Variants in NAF1 observed in about 807,000 individuals in gnomAD.
NAF1 encodes H/ACA ribonucleoprotein complex non-core subunit NAF1.
NAF1 carries 11 observed loss-of-function variants against 40.6 expected under a neutral mutation model. The observed-to-expected ratio is 0.27, with a 90% CI of 0.17 to 0.45. NAF1 has a LOEUF of 0.45. Among genes scored for constraint, NAF1 ranks in the 20% least tolerant of loss-of-function variants. NAF1 has a pLI of 1.00. For missense variants in NAF1, 607 were observed against 611.1 expected, an observed-to-expected ratio of 0.99 and a Z score of 0.07; for synonymous variants, 260 against 228.5, an observed-to-expected ratio of 1.14 and a Z score of -1.24.
chr4:163,133,537 G>A (rs1730948691), intron 6 of NAF1: 1 of 304,824 alleles, frequency 3.3e-6, no homozygotes, highest in South Asian at 5.7e-5. Flanking sequence ...AGTATCAGAT[G>A]CAAAAGGGTG....
chr4:163,150,986 T>C (rs1225626529), intron 2 of NAF1, among the ~76,000 whole-genome samples: 3 of 152,148 alleles, frequency 2.0e-5, no homozygotes, highest in Non-Finnish European at 4.4e-5. Flanking sequence ...AATTTGAATT[T>C]CTTCATTCAT....
chr4:163,117,843 G>A (rs1730396794), intron 2 of NAF1, among the ~76,000 whole-genome samples: 1 of 151,976 alleles, frequency 6.6e-6, no homozygotes, highest in East Asian at 1.9e-4. Context: ...CAAAAACCTT[G>A]CAGATTGATT....
At chr4:163,151,346 T>C (rs1329871288) in intron 2 of NAF1, among the ~76,000 whole-genome samples, 1 of 149,806 alleles carries the variant, frequency 6.7e-6, no homozygotes, top group South Asian at 2.1e-4. Flanking sequence ...AATTCACTAT[T>C]GTTTTCTTTA....
intron 3 of NAF1, among the ~76,000 whole-genome samples, 181 bp downstream of exon 3, chr4:163,148,159 TA>T (rs1286799527): frequency 6.6e-6 from 1 of 152,168 alleles, no homozygotes; most frequent in African/African-American, 2.4e-5. Flanking sequence ...TTTCTATAAA[TA>T]AACTGTATTT....
chr4:163,120,258 G>T (rs1437146091), intron 2 of NAF1, among the ~76,000 whole-genome samples: 1 of 152,176 alleles, frequency 6.6e-6, no homozygotes, highest in African/African-American at 2.4e-5. Context: ...TTTGCACACT[G>T]TAGTGGCTAC....
In NAF1 at chr4:163,166,713, C is replaced by G. The variant is rs745755138; in HGVS notation, c.15G>C (p.Glu5Asp). The G allele has an allele frequency of 1.9e-6, 3 of 1,613,470 alleles. No homozygotes were observed. The South Asian group carries it at 3.3e-5, about 18-fold the overall frequency. The change falls in exon 1 of 8, where the codon GAG (glutamate) becomes GAC (aspartate). Residue 5 changes from glutamate to aspartate, a missense_variant. Physicochemically the swap from Glu to Asp is conservative, Grantham distance 45. Around this residue, in one of 3 missense-constraint regions of NAF1, gnomAD observed 407 missense variants for 365.5 expected, o/e 1.11. Coordinates refer to ENST00000274054, the MANE Select transcript of NAF1 (RefSeq NM_138386.3). ...GAGTTTCCAGCTGAGCGGCGGCGGC[C>G]TCCACTACCTCCATCGCACCGCGCC... is the stretch of plus-strand genomic sequence containing the variant. Reference protein sequence around the residue: MEVVEAAAAQLETLK... With the variant: MEVVDAAAAQLETLK...
At position 163,133,210 on chromosome 4, in the gene NAF1, CTCT is replaced by C. The variant is rs1256558734; in HGVS notation, c.974_976del (p.Gln325del). On this transcript the variant is annotated inframe_deletion, in exon 7 of 8. Coordinates refer to ENST00000274054, the MANE Select transcript of NAF1 (RefSeq NM_138386.3). Reference sequence around the variant, plus strand: ...CCGGCCTTGAATCTGAGATTTTTTCCTCTGTTTGGCTTCCTTCTCTTTTTCATC... The same window carrying C: ...CCGGCCTTGAATCTGAGATTTTTTCCGTTTGGCTTCCTTCTCTTTTTCATC... The C allele has an allele frequency of 6.2e-7, 1 of 1,613,536 alleles. No homozygotes were observed. The highest frequency in any genetic ancestry group is 8.5e-7 in the Non-Finnish European group (1 of 1,179,850).
At chr4:163,156,139 CAAATTT>C (rs1731977546) in intron 2 of NAF1, among the ~76,000 whole-genome samples, 1 of 115,428 alleles carries the variant, frequency 8.7e-6, no homozygotes, top group Non-Finnish European at 1.8e-5. Flanking sequence ...ATATTAGATA[CAAATTT>C]AAATTTAATT....
chr4:163,114,203 G>A (rs770140036), intron 2 of NAF1, among the ~76,000 whole-genome samples: 1 of 152,228 alleles, frequency 6.6e-6, no homozygotes, highest in Non-Finnish European at 1.5e-5. Context: ...GAACCACAGA[G>A]GGGATTTGTG....
At position 163,148,376 on chromosome 4, in the gene NAF1, G is replaced by C. The variant is rs143451443; in HGVS notation, c.599C>G (p.Pro200Arg). 4.4e-6 allele frequency: 7 copies of C among 1,579,732 alleles called. No individual in the cohort carries two copies. The African/African-American group carries it at 9.6e-5, about 22-fold the overall frequency. ...AATAATACTTGAAACCATCCCAAGA[G>C]GCTTTAACTCAATATCTTCAGGCAG... ...IILPEDIELKPLGMVSSIIEQ... is the reference protein window; with the variant it reads ...IILPEDIELKRLGMVSSIIEQ... The change falls in exon 3 of 8, where the codon CCT becomes CGT. Residue 200 changes from proline (P) to arginine (R), a missense_variant. By Grantham distance (103) the Pro-to-Arg change is moderately radical. Transcript: ENST00000274054.
chr4:163,137,497 G>A (rs1193575712), intron 5 of NAF1, among the ~76,000 whole-genome samples: 1 of 152,154 alleles, frequency 6.6e-6, no homozygotes, highest in Non-Finnish European at 1.5e-5. Flanking sequence ...ATGGTGTGCA[G>A]TGGAAAGCAG....
chr4:163,143,037 A>C (rs1197515888), intron 4 of NAF1, among the ~76,000 whole-genome samples: 3 of 152,148 alleles, frequency 2.0e-5, no homozygotes, highest in Admixed American at 2.0e-4. Flanking sequence ...GAAAAGTAGC[A>C]CCTGAGACCT....
At chr4:163,158,458 A>G (rs1308338688) in intron 2 of NAF1, 1 of 152,244 alleles carries the variant, frequency 6.6e-6, no homozygotes, top group South Asian at 2.1e-4. Context: ...CATGAAACTC[A>G]GCTATTTATC....
In NAF1 at chr4:163,115,334, G is replaced by A. The variant is rs544083173; in HGVS notation, c.115-5044C>T. Among the ~76,000 whole-genome samples, 7 of 149,422 alleles carry A rather than the reference G, an allele frequency of 4.7e-5. No individual in the cohort carries two copies. In the East Asian group the frequency reaches 1.0e-3, roughly 22 times the overall value. On this transcript the variant is annotated intron_variant, in intron 2 of 2. Coordinates refer to the NAF1 transcript ENST00000509434. Reference sequence around the variant, plus strand: ...CGCCATTCTCCTGCCTCAGCCTCCCGAGTAGCTGGGACTACAGGCGCCCAC... The same window carrying A: ...CGCCATTCTCCTGCCTCAGCCTCCCAAGTAGCTGGGACTACAGGCGCCCAC...
At chr4:163,166,142 A>G (rs1339315159) in intron 1 of NAF1, among the ~76,000 whole-genome samples, 4 of 152,198 alleles carry the variant, frequency 2.6e-5, no homozygotes, top group African/African-American at 9.6e-5. Context: ...AAATTTAGGA[A>G]ATAAGTCAGT....
downstream of NAF1, among the ~76,000 whole-genome samples, chr4:163,121,715 T>G (rs370850714): frequency 6.6e-6 from 1 of 152,306 alleles, no homozygotes; most frequent in African/African-American, 2.4e-5. Flanking sequence ...ATACACTAAT[T>G]TACTTTCCTT....
chr4:163,140,714 G>A (rs1289410844), intron 4 of NAF1, among the ~76,000 whole-genome samples: 2 of 152,028 alleles, frequency 1.3e-5, no homozygotes, highest in African/African-American at 2.4e-5. Context: ...CATTTAACTT[G>A]TAAAGTACAC....
At chr4:163,139,495 T>C (rs994599069) in intron 5 of NAF1, among the ~76,000 whole-genome samples, 6 of 152,106 alleles carry the variant, frequency 3.9e-5, no homozygotes, top group African/African-American at 1.2e-4. Flanking sequence ...TTTGCTGATA[T>C]AAAAAATTAA....
intron 4 of NAF1, among the ~76,000 whole-genome samples, chr4:163,142,981 C>T (rs1191803628): frequency 1.3e-5 from 2 of 152,200 alleles, no homozygotes; most frequent in East Asian, 3.9e-4. Flanking sequence ...AAGATAAAAG[C>T]AAAGGAAGTA....
Sources: gnomAD v4.1 joint callset for allele counts (sites outside exome capture counted in the v4.1 genomes callset) on GRCh38, gnomAD v4.1.1 for gene constraint, gnomAD v4.1.1 regional missense constraint, MANE v1.5 for transcripts, NCBI Gene and HGNC (gene_info 2026-07-23, HGNC 2026-07-21) for gene names.